The following GREB1L variants were observed in gnomAD, a reference collection of about 807,000 sequenced individuals.
GREB1L encodes GREB1 like retinoic acid receptor coactivator.
In GREB1L, 17 loss-of-function variants were observed where a neutral mutation model predicts 200.8. The observed-to-expected ratio is 0.08, with a 90% CI of 0.06 to 0.13. GREB1L has a LOEUF of 0.13. GREB1L is among the 10% of genes least tolerant of loss of function. GREB1L has a pLI of 1.00. For synonymous variants in GREB1L, 789 were observed against 893.0 expected (o/e 0.88, Z 2.08); for missense variants, 1,657 against 2,367.7 (o/e 0.70, Z 6.23).
intron 1 of GREB1L, among the ~76,000 whole-genome samples, chr18:21,312,217 G>C (rs1416238767): frequency 1.4e-4 from 21 of 152,086 alleles, no homozygotes; most frequent in Admixed American, 1.1e-3. Flanking sequence ...TCTTTATCCA[G>C]TTCTACCATT....
rs376963933 is a variant in GREB1L at position 21,492,219 on chromosome 18, G to A, written c.3030+1868G>A. On this transcript the variant is annotated intron_variant, in intron 19 of 32. Coordinates refer to ENST00000424526, the MANE Select transcript of GREB1L (RefSeq NM_001142966.3). ...AAATTAGCCAGGCATGGTGGCGGGC[G>A]CCTGTGGTCCCAGCTACTCGGGAGG... Among the ~76,000 whole-genome samples, 36 of 152,074 alleles carry A rather than the reference G, an allele frequency of 2.4e-4. 1 individual carries two copies. Among genetic ancestry groups the A allele is most frequent in the African/African-American group, 7.7e-4 (32 of 41,506 alleles).
At chr18:21,448,748 T>A (rs774602720) in intron 11 of GREB1L, among the ~76,000 whole-genome samples, 1 of 152,254 alleles carries the variant, frequency 6.6e-6, no homozygotes, top group South Asian at 2.1e-4. Flanking sequence ...TTGTGTCATT[T>A]GGATACCAAA....
chr18:21,309,701 A>C (rs2038760644), intron 1 of GREB1L, among the ~76,000 whole-genome samples: 1 of 150,314 alleles, frequency 6.7e-6, no homozygotes, highest in African/African-American at 2.5e-5. Context: ...TATTTCTCCC[A>C]TTTTCTCTCT....
At chr18:21,409,141 G>A (rs1006340437) in intron 7 of GREB1L, among the ~76,000 whole-genome samples, 4 of 152,174 alleles carry the variant, frequency 2.6e-5, no homozygotes, top group African/African-American at 9.7e-5. Context: ...ATTAACTTGT[G>A]AATGGCTGGA....
In GREB1L at chr18:21,395,451, C is replaced by T. The variant is rs1406387570; in HGVS notation, c.422C>T (p.Ala141Val). The T allele has an allele frequency of 1.3e-6, 2 of 1,550,822 alleles. No individual in the cohort carries two copies. The highest frequency in any genetic ancestry group is 3.9e-5 in the Admixed American group (2 of 50,958). Residue 141 changes from alanine to valine, a missense_variant, in exon 5 of 33, where the codon GCA becomes GTA. This residue lies in a region of GREB1L where 70 missense variants were observed against 151.3 expected (regional missense o/e 0.46). Transcript: ENST00000424526. Reference sequence around the variant, plus strand: ...TGTATGGAACAAATTGACATCCCAGCAGGATTCCTCCTGGTGGGGGCCAAG... The same window carrying T: ...TGTATGGAACAAATTGACATCCCAGTAGGATTCCTCCTGGTGGGGGCCAAG... The part of the protein sequence containing the change: ...SLCMEQIDIP[A>V]GFLLVGAKSP...
At chr18:21,459,161 T>C (rs1341889923) in intron 15 of GREB1L, among the ~76,000 whole-genome samples, 1 of 151,954 alleles carries the variant, frequency 6.6e-6, no homozygotes, top group East Asian at 1.9e-4. Context: ...TCTGCTGATA[T>C]AGAGATTACT....
At chr18:21,463,830 C>A (rs374392524) in intron 15 of GREB1L, among the ~76,000 whole-genome samples, 1 of 152,174 alleles carries the variant, frequency 6.6e-6, no homozygotes, top group East Asian at 1.9e-4. Flanking sequence ...TAGGTTTGGG[C>A]TTGTAACACC....
At chr18:21,340,101 C>A (rs1287591239) in intron 1 of GREB1L, among the ~76,000 whole-genome samples, 10 of 152,206 alleles carry the variant, frequency 6.6e-5, no homozygotes, top group South Asian at 2.1e-4. Flanking sequence ...CCCACTACCA[C>A]AACCCCTCAT....
chr18:21,508,174 G>T lies in GREB1L; in HGVS notation c.4425G>T (p.Glu1475Asp), dbSNP rs1019933419. Residue 1475 changes from glutamate (E) to aspartate (D), a missense_variant, in exon 26 of 33, where the codon GAG becomes GAT. Transcript: ENST00000424526. The stretch of plus-strand genomic sequence containing the variant: ...TCTCTTCTTCTATGCTGGGAGAAGA[G>T]GTTCAGCTCTATTTCATCATTCCCA... ...FTFSSSMLGE[E>D]VQLYFIIPKS... 6.4e-7 allele frequency: 1 copy of T among 1,551,564 alleles called. No homozygotes were observed. Among genetic ancestry groups the T allele is most frequent in the East Asian group, 2.4e-5 (1 of 40,910 alleles).
At chr18:21,387,794 C>G (rs1336095720) in intron 4 of GREB1L, among the ~76,000 whole-genome samples, 4 of 152,144 alleles carry the variant, frequency 2.6e-5, no homozygotes, top group African/African-American at 9.7e-5. Context: ...ATATTGGGAT[C>G]CTATGTCTTG....
At chr18:21,251,876 C>T (rs545647272) in intron 1 of GREB1L, among the ~76,000 whole-genome samples, 240 of 142,856 alleles carry the variant, frequency 1.7e-3, no homozygotes, top group Non-Finnish European at 2.4e-3. Flanking sequence ...ACCGAGGAGG[C>T]AGAGGTTGCA....
At chr18:21,521,039 C>A (rs1413004853) in intron 32 of GREB1L, among the ~76,000 whole-genome samples, 1 of 151,946 alleles carries the variant, frequency 6.6e-6, no homozygotes, top group Non-Finnish European at 1.5e-5. Flanking sequence ...CTAAAAAATA[C>A]AACAAAAATT....
intron 27 of GREB1L, 197 bp downstream of exon 27, chr18:21,508,788 T>C (rs1172201637): frequency 2.3e-5 from 14 of 603,672 alleles, no homozygotes; most frequent in Admixed American, 3.0e-5. Flanking sequence ...TCTGCACTTT[T>C]GCAGAATTAA....
At chr18:21,388,897 A>G (rs1334322743) in intron 4 of GREB1L, among the ~76,000 whole-genome samples, 1 of 152,004 alleles carries the variant, frequency 6.6e-6, no homozygotes, top group Non-Finnish European at 1.5e-5. Flanking sequence ...GGATCTGGGG[A>G]GGAAGATCAC....
chr18:21,464,887 A>C (rs1263154551), intron 15 of GREB1L, among the ~76,000 whole-genome samples: 1 of 152,248 alleles, frequency 6.6e-6, no homozygotes, highest in East Asian at 1.9e-4. Flanking sequence ...GATTAAAAAG[A>C]AAAAAGGTAA....
intron 1 of GREB1L, among the ~76,000 whole-genome samples, chr18:21,259,533 A>G (rs571663576): frequency 1.3e-5 from 2 of 152,270 alleles, no homozygotes; most frequent in African/African-American, 4.8e-5. Flanking sequence ...TTCTAGATTC[A>G]GATCTCATTT....
chr18:21,342,518 A>G lies in GREB1L; in HGVS notation c.-119-23509A>G, dbSNP rs539292899. ...AATCTGCTTTAGGGTTCTCAAATCCAAGCATTTTACAATGCAGGCTCTAGC... is the reference window on the plus strand; with the variant it reads ...AATCTGCTTTAGGGTTCTCAAATCCGAGCATTTTACAATGCAGGCTCTAGC... On this transcript the variant is annotated intron_variant, in intron 1 of 32. Coordinates refer to ENST00000424526, the MANE Select transcript of GREB1L (RefSeq NM_001142966.3). Among the ~76,000 whole-genome samples the G allele has an allele frequency of 2.6e-5, 4 of 152,310 alleles. No homozygotes were observed. In the South Asian group the frequency reaches 8.3e-4, roughly 32 times the overall value.
chr18:21,452,551 GA>G, intron 14 of GREB1L: 1 of 217,194 alleles, frequency 4.6e-6, no homozygotes, highest in Non-Finnish European at 9.0e-6. Context: ...AAAACCGTCT[GA>G]AAGAGTCAGA....
At chr18:21,454,079 G>T (rs1285859048) in intron 14 of GREB1L, among the ~76,000 whole-genome samples, 3 of 152,178 alleles carry the variant, frequency 2.0e-5, no homozygotes, top group Non-Finnish European at 4.4e-5. Context: ...CCACTTCTGG[G>T]TTGGGATAGG....
Sources: allele counts gnomAD v4.1 joint callset (sites outside exome capture counted in the v4.1 genomes callset), GRCh38; gene constraint gnomAD v4.1.1; regional missense constraint gnomAD v4.1.1; transcripts MANE v1.5; gene names NCBI Gene and HGNC (gene_info 2026-07-23, HGNC 2026-07-21).